DENND1A: variants seen among roughly 807,000 people sequenced by gnomAD.
DENND1A encodes DENN domain containing 1A.
DENND1A carries 51 observed loss-of-function variants against 113.7 expected under a neutral mutation model. The observed-to-expected ratio is 0.45, with a 90% CI of 0.36 to 0.57. The LOEUF (loss-of-function observed/expected upper bound fraction) is 0.57. Ranked by LOEUF, DENND1A falls within the 20% of genes least tolerant of loss-of-function variation. The probability of loss-of-function intolerance (pLI) is 0.00; values close to 1 mark genes in which losing one functional copy is unlikely to be tolerated. For synonymous variants in DENND1A, 565 were observed against 570.8 expected (o/e 0.99, Z 0.14); for missense variants, 1,258 against 1,395.9 (o/e 0.90, Z 1.57).
At chr9:123,594,703 G>A (rs989750685) in intron 11 of DENND1A, among the ~76,000 whole-genome samples, 4 of 152,096 alleles carry the variant, frequency 2.6e-5, no homozygotes, top group African/African-American at 4.8e-5. Context: ...TAATTTGCCC[G>A]TGTTCTTACA....
intron 8 of DENND1A, among the ~76,000 whole-genome samples, chr9:123,658,248 G>C (rs773147033): frequency 1.3e-4 from 19 of 151,146 alleles, no homozygotes; most frequent in Non-Finnish European, 2.5e-4. Context: ...TCCAAATGAA[G>C]GTCTATATGA....
chr9:123,540,017 C>T (rs867624705), intron 13 of DENND1A, among the ~76,000 whole-genome samples: 2 of 152,028 alleles, frequency 1.3e-5, no homozygotes, highest in African/African-American at 4.8e-5. Flanking sequence ...GATTGAATGC[C>T]AACACTTCTT....
intron 2 of DENND1A, among the ~76,000 whole-genome samples, chr9:123,817,479 T>G (rs1837685241): frequency 6.6e-6 from 1 of 152,198 alleles, no homozygotes; most frequent in African/African-American, 2.4e-5. Flanking sequence ...TATTAGAATT[T>G]TTACATGCAA....
intron 13 of DENND1A, among the ~76,000 whole-genome samples, chr9:123,516,787 G>A (rs1438086674): frequency 6.7e-6 from 1 of 149,530 alleles, no homozygotes; most frequent in African/African-American, 2.5e-5. Context: ...GGGAGGCTGA[G>A]GCAGGAGAAT....
At chr9:123,463,628 G>A (rs957352898) in intron 13 of DENND1A, among the ~76,000 whole-genome samples, 4 of 151,934 alleles carry the variant, frequency 2.6e-5, no homozygotes, top group African/African-American at 9.7e-5. Context: ...AGTTAATGTC[G>A]GCCAGGAGTA....
chr9:123,840,316 G>T (rs1841639258), intron 2 of DENND1A, among the ~76,000 whole-genome samples: 2 of 150,690 alleles, frequency 1.3e-5, no homozygotes, highest in Admixed American at 1.3e-4. Context: ...GCAATCAGAG[G>T]AAAAAGCTCT....
At chr9:123,651,632 T>C (rs113226053) in intron 9 of DENND1A, among the ~76,000 whole-genome samples, 1 of 152,234 alleles carries the variant, frequency 6.6e-6, no homozygotes, top group Non-Finnish European at 1.5e-5. Context: ...TGCAGTATTA[T>C]CTACTAAAAG....
intron 5 of DENND1A, among the ~76,000 whole-genome samples, chr9:123,753,468 C>T (rs1474209513): frequency 6.6e-6 from 1 of 152,202 alleles, no homozygotes; most frequent in Non-Finnish European, 1.5e-5. Flanking sequence ...AATATTGAAC[C>T]TCCATTGTGA....
At chr9:123,624,729 TAAGTTAG>T (rs2061122837) in intron 10 of DENND1A, among the ~76,000 whole-genome samples, 1 of 152,210 alleles carries the variant, frequency 6.6e-6, no homozygotes, top group Non-Finnish European at 1.5e-5. Context: ...TCTTCTCTTC[TAAGTTAG>T]ACCTTCCAAC....
At chr9:123,564,656 G>A (rs1233271064) in intron 12 of DENND1A, among the ~76,000 whole-genome samples, 1 of 152,244 alleles carries the variant, frequency 6.6e-6, no homozygotes, top group East Asian at 1.9e-4. Flanking sequence ...TCTATCCAAT[G>A]CCATCCAATA....
At chr9:123,778,447 G>A (rs1232123472) in intron 3 of DENND1A, among the ~76,000 whole-genome samples, 1 of 152,154 alleles carries the variant, frequency 6.6e-6, no homozygotes, top group Non-Finnish European at 1.5e-5. Context: ...GATTCAACAG[G>A]TAAGTCACTC....
At chr9:123,426,260 AACGT>A (rs2045722184) in intron 19 of DENND1A, among the ~76,000 whole-genome samples, 1 of 152,148 alleles carries the variant, frequency 6.6e-6, no homozygotes, top group Non-Finnish European at 1.5e-5. Context: ...TGCCTATCTC[AACGT>A]GTGCTGATGC....
At chr9:123,818,519 T>TATAC (rs1491437296) in intron 2 of DENND1A, among the ~76,000 whole-genome samples, 6 of 112,300 alleles carry the variant, frequency 5.3e-5, no homozygotes, top group African/African-American at 2.4e-4. Context: ...TACATACATA[T>TATAC]ACACACACAC....
chr9:123,445,506 G>A (rs1346069721), intron 18 of DENND1A, among the ~76,000 whole-genome samples: 4 of 152,236 alleles, frequency 2.6e-5, no homozygotes, highest in Non-Finnish European at 5.9e-5. Flanking sequence ...ATTCATTCAC[G>A]CTGGACATGG....
chr9:123,620,232 A>AAAAAAAAAAAAAAAAAAAAG (rs1554916729), intron 10 of DENND1A, among the ~76,000 whole-genome samples: 61 of 114,362 alleles, frequency 5.3e-4, no homozygotes, highest in South Asian at 1.1e-3. Flanking sequence ...AAAAAAAAAA[A>AAAAAAAAAAAAAAAAAAAAG]AAAAAAGAAA....
chr9:123,916,172 C>T (rs1319697819), intron 1 of DENND1A, among the ~76,000 whole-genome samples: 1 of 152,054 alleles, frequency 6.6e-6, no homozygotes, highest in Non-Finnish European at 1.5e-5. Flanking sequence ...AAACCATAGT[C>T]CATCCATCCA....
intron 2 of DENND1A, chr9:123,843,641 C>G: frequency 6.0e-6 from 1 of 165,994 alleles, no homozygotes. Context: ...TTTTACCATT[C>G]TGGATATACT....
intron 12 of DENND1A, among the ~76,000 whole-genome samples, chr9:123,582,373 G>A (rs1325948539): frequency 6.6e-6 from 1 of 151,974 alleles, no homozygotes; most frequent in African/African-American, 2.4e-5. Flanking sequence ...AGTCAAAATA[G>A]ACTCAAGAAA....
At chr9:123,711,513 G>GTATATATATATATATACA (rs2066613681) in intron 5 of DENND1A, among the ~76,000 whole-genome samples, 1 of 121,008 alleles carries the variant, frequency 8.3e-6, no homozygotes, top group Non-Finnish European at 1.7e-5. Flanking sequence ...ATGTATATAT[G>GTATATATATATATATACA]TATATATATA....
Sources: gnomAD v4.1 joint callset for allele counts (sites outside exome capture counted in the v4.1 genomes callset) on GRCh38, gnomAD v4.1.1 for gene constraint, MANE v1.5 for transcripts, NCBI Gene and HGNC (gene_info 2026-07-23, HGNC 2026-07-21) for gene names.